SMU1: variants seen among roughly 807,000 people sequenced by gnomAD.
SMU1 encodes the protein WD40 repeat-containing protein SMU1.
Under a neutral mutation model 62.0 loss-of-function variants are expected in SMU1, and 2 were observed. That is an observed-to-expected ratio of 0.03 (90% CI 0.01 to 0.10). The LOEUF is 0.10. Among genes scored for constraint, SMU1 ranks in the 10% least tolerant of loss-of-function variants. The pLI is 1.00. For missense variants in SMU1, 227 were observed against 622.1 expected (o/e 0.36, Z 6.76); for synonymous variants, 188 against 212.4 (o/e 0.89, Z 1.00).
chr9:33,047,509 G>A (rs1839199583), intron 11 of SMU1, 118 bp from the exon 12 acceptor site: 1 of 663,822 alleles, frequency 1.5e-6, no homozygotes, highest in Non-Finnish European at 2.5e-6. Context: ...TATTCCAAAT[G>A]GCATAGGAGA....
At position 33,070,823 on chromosome 9, in the gene SMU1, A is replaced by C. The variant is rs79820522; in HGVS notation, c.390+917T>G. Reference sequence around the variant, plus strand: ...TCTCATTTATTTGCAGGAACTAAAAATTAAAACATGGAGATAGAGAGTAGA... The same window carrying C: ...TCTCATTTATTTGCAGGAACTAAAACTTAAAACATGGAGATAGAGAGTAGA... On this transcript the variant is annotated intron_variant, in intron 3 of 11. Transcript: ENST00000397149. Among the ~76,000 whole-genome samples the C allele has an allele frequency of 4.9e-3, 743 of 152,322 alleles. 8 individuals carry two copies. The highest frequency in any genetic ancestry group is 0.017 in the African/African-American group (719 of 41,572).
At chr9:33,072,683 G>C (rs1839499712) in intron 2 of SMU1, among the ~76,000 whole-genome samples, 1 of 151,800 alleles carries the variant, frequency 6.6e-6, no homozygotes, top group African/African-American at 2.4e-5. Context: ...ACAAAACTTA[G>C]CTGGGCGTGG....
Position 33,051,128 on chromosome 9 carries a change from A to T in SMU1, c.1290+1995T>A, listed in dbSNP as rs530816291. 1.2e-3 allele frequency among the ~76,000 whole-genome samples: 86 copies of T among 68,828 alleles called. 7 individuals are homozygous for T. In the South Asian group the frequency reaches 0.025, roughly 20 times the overall value. The allele number at this position is 68,828 out of a possible 152,430, so 45.2% of individuals were successfully genotyped here. A position where few individuals can be genotyped will look rare whatever the true frequency, so the allele number is the denominator to read the frequency against. Reference sequence around the variant, plus strand: ...AGAGCGAGACTCTGTCTCAAAAAAAAAAAAAAATAAAAATAAAAATAAAAA... The same window carrying T: ...AGAGCGAGACTCTGTCTCAAAAAAATAAAAAAATAAAAATAAAAATAAAAA... On this transcript the variant is annotated intron_variant, in intron 10 of 11. Coordinates refer to ENST00000397149, the MANE Select transcript of SMU1 (RefSeq NM_018225.3).
chr9:33,067,411 G>A (rs562303970), intron 4 of SMU1, among the ~76,000 whole-genome samples: 3 of 151,808 alleles, frequency 2.0e-5, no homozygotes, highest in South Asian at 2.1e-4. Flanking sequence ...GGAAGCACAT[G>A]GGACTGTTTT....
chr9:33,052,321 A>G (rs1296547613), intron 10 of SMU1, among the ~76,000 whole-genome samples: 2 of 151,780 alleles, frequency 1.3e-5, no homozygotes, highest in East Asian at 1.9e-4. Flanking sequence ...ATGTGAATCT[A>G]AAATTATTTT....
intron 10 of SMU1, among the ~76,000 whole-genome samples, chr9:33,052,709 G>A (rs1183077403): frequency 1.3e-5 from 2 of 152,204 alleles, no homozygotes; most frequent in African/African-American, 2.4e-5. Context: ...AAAATACACC[G>A]AGGACACTGC....
At chr9:33,056,082 T>A (rs1443819239) in intron 9 of SMU1, 31 bp downstream of exon 9, 1 of 1,585,562 alleles carries the variant, frequency 6.3e-7, no homozygotes. Flanking sequence ...GGGGTAGACA[T>A]CCCAAAATAA....
intron 10 of SMU1, among the ~76,000 whole-genome samples, chr9:33,049,812 C>T (rs1403736184): frequency 6.8e-6 from 1 of 147,174 alleles, no homozygotes; most frequent in Non-Finnish European, 1.5e-5. Flanking sequence ...GTGGCACGTG[C>T]CTGTAGTCCC....
rs370908496 is a variant in SMU1, at chr9:33,056,317, A to G, written c.996-78T>C. The G allele has an allele frequency of 9.7e-5, 136 of 1,396,398 alleles. 1 individual carries two copies. The East Asian group carries it at 1.7e-3, about 17-fold the overall frequency. 86.5% of individuals were successfully genotyped at this position (1,396,398 alleles called of 1,614,324 possible). On this transcript the variant is annotated intron_variant, in intron 8 of 11. Transcript: ENST00000397149. ...TGTGACCAACGATTGAATGCATTTTAGATAAATTACAGAAGCTCATGTTAT... is the reference window on the plus strand; with the variant it reads ...TGTGACCAACGATTGAATGCATTTTGGATAAATTACAGAAGCTCATGTTAT...
chr9:33,060,727 A>G, intron 5 of SMU1, 143 bp from the exon 6 acceptor site: 1 of 1,008,178 alleles, frequency 9.9e-7, no homozygotes, highest in Non-Finnish European at 1.4e-6. Context: ...GTATTTCTGT[A>G]CCTGGACGCA....
chr9:33,061,195 T>G (rs889225592), intron 5 of SMU1, among the ~76,000 whole-genome samples: 2 of 152,162 alleles, frequency 1.3e-5, no homozygotes, highest in Non-Finnish European at 2.9e-5. Context: ...TACAGAAAAT[T>G]AGGTAGAAAG....
intron 4 of SMU1, among the ~76,000 whole-genome samples, chr9:33,066,479 C>G (rs1027720796): frequency 7.4e-6 from 1 of 134,296 alleles, no homozygotes; most frequent in Non-Finnish European, 1.5e-5. Flanking sequence ...CTGGGCAACA[C>G]AGCAAGGCTC....
At chr9:33,073,347 T>C (rs1304865791) in intron 2 of SMU1, among the ~76,000 whole-genome samples, 1 of 151,808 alleles carries the variant, frequency 6.6e-6, no homozygotes, top group Non-Finnish European at 1.5e-5. Flanking sequence ...CAGCAAGCTG[T>C]GATCTTGCCA....
At chr9:33,059,545 G>A (rs1220949314) in intron 6 of SMU1, among the ~76,000 whole-genome samples, 1 of 150,452 alleles carries the variant, frequency 6.6e-6, no homozygotes, top group Non-Finnish European at 1.5e-5. Context: ...AGCCGAGATC[G>A]TGCCCCTGCA....
At chr9:33,049,135 A>C (rs180939215) in intron 10 of SMU1, among the ~76,000 whole-genome samples, 3 of 152,214 alleles carry the variant, frequency 2.0e-5, no homozygotes, top group African/African-American at 7.2e-5. Context: ...AAGCTTACGC[A>C]AAGAGGCAAA....
rs1255679601 is a variant in SMU1 at position 33,046,343 on chromosome 9, G to C, written c.*950C>G. 1.3e-5 allele frequency: 2 copies of C among 152,148 alleles called. No individual in the cohort carries two copies. Among genetic ancestry groups the C allele is most frequent in the Non-Finnish European group, 2.9e-5 (2 of 68,052 alleles). The allele number at this position is 152,148 out of a possible 1,614,324, so 9.4% of individuals were successfully genotyped here. A position where few individuals can be genotyped will look rare whatever the true frequency, so the allele number is the denominator to read the frequency against. Reference sequence around the variant, plus strand: ...CTGGAGTTGACTGAACATGTGAGAAGGCACAGCTCAGAAGGAGAGGAAGGC... The same window carrying C: ...CTGGAGTTGACTGAACATGTGAGAACGCACAGCTCAGAAGGAGAGGAAGGC... On this transcript the variant is annotated 3_prime_UTR_variant, in exon 12 of 12. Transcript: ENST00000397149.
Position 33,054,525 on chromosome 9 carries a change from G to A in SMU1, c.1123-1235C>T, listed in dbSNP as rs543750226. On this transcript the variant is annotated intron_variant, in intron 9 of 11. Coordinates refer to ENST00000397149, the MANE Select transcript of SMU1 (RefSeq NM_018225.3). ...CTTGGCCACTTGCATTACTTTTCCC[G>A]GTCTATCTTTTCACCTTATCCTTCT... is the stretch of plus-strand genomic sequence containing the variant. Among the ~76,000 whole-genome samples, 9 of 152,188 alleles carry A rather than the reference G, an allele frequency of 5.9e-5. No homozygotes were observed. In the South Asian group the frequency reaches 1.0e-3, roughly 18 times the overall value.
rs1839490300 is a variant in SMU1 at position 33,071,803 on chromosome 9, T to C, written c.327A>G (p.Thr109=). The C allele has an allele frequency of 6.2e-7, 1 of 1,610,840 alleles. No homozygotes were observed. Among genetic ancestry groups the C allele is most frequent in the Non-Finnish European group, 8.5e-7 (1 of 1,179,152 alleles). Residue 109 remains threonine (T), a synonymous_variant, in exon 3 of 12, where the codon ACA becomes ACG. Coordinates refer to ENST00000397149, the MANE Select transcript of SMU1 (RefSeq NM_018225.3). ...CCAGATGAATATATCGCTCTGGCTG[T>C]GTTTGTTTTAACATGATCATGGGAT... ...QTDPMIMLKQ[T]QPERYIHLEN...
At chr9:33,066,073 G>T (rs1360006254) in intron 4 of SMU1, among the ~76,000 whole-genome samples, 2 of 152,138 alleles carry the variant, frequency 1.3e-5, no homozygotes, top group East Asian at 3.9e-4. Flanking sequence ...AATGACAAAT[G>T]AGGATCCCCA....
Sources: allele counts gnomAD v4.1 joint callset (sites outside exome capture counted in the v4.1 genomes callset), GRCh38; gene constraint gnomAD v4.1.1; transcripts MANE v1.5; gene names NCBI Gene and HGNC (gene_info 2026-07-23, HGNC 2026-07-21).